The following CIMAP1D variants were observed in gnomAD, a reference collection of about 807,000 sequenced individuals.
CIMAP1D encodes protein CIMAP1D.
chr19:477,584 G>A, the CIMAP1D span, among the ~76,000 whole-genome samples: 3 of 147,562 alleles, frequency 2.0e-5, no homozygotes, highest in East Asian at 4.3e-4. Context: ...GAGACTCCAC[G>A]TCAAAATCAA....
At chr19:481,396 A>T in the CIMAP1D span, among the ~76,000 whole-genome samples, 1 of 97,210 alleles carries the variant, frequency 1.0e-5, no homozygotes, top group Non-Finnish European at 1.8e-5. Context: ...GGGAAGGATG[A>T]TGGGGAAGGA....
At chr19:474,994 C>T in the CIMAP1D span, 8,245 of 400,022 alleles carry the variant, frequency 0.021, 100 homozygotes, top group African/African-American at 0.031. Flanking sequence ...GTCGGCCAGG[C>T]GGCTGGATGG....
At chr19:472,313 G>T in the CIMAP1D span, 1 of 774,632 alleles carries the variant, frequency 1.3e-6, no homozygotes, top group Non-Finnish European at 1.9e-6. Context: ...CTGGATCTAA[G>T]GGGTAAGGAG....
chr19:486,035 C>T, the CIMAP1D span, among the ~76,000 whole-genome samples: 1 of 152,236 alleles, frequency 6.6e-6, no homozygotes, highest in Non-Finnish European at 1.5e-5. Context: ...CACAGAGAAC[C>T]TGCCAGCTCC....
the CIMAP1D span, among the ~76,000 whole-genome samples, chr19:488,340 G>C: frequency 6.6e-6 from 1 of 151,810 alleles, no homozygotes; most frequent in African/African-American, 2.4e-5. Context: ...GGCTAACACG[G>C]TGAAACCCCG....
the CIMAP1D span, among the ~76,000 whole-genome samples, chr19:474,408 C>T: frequency 1.3e-5 from 2 of 152,242 alleles, no homozygotes; most frequent in African/African-American, 2.4e-5. Flanking sequence ...TGGCAAAGCA[C>T]GCAGCTTCCG....
chr19:484,330 G>C, the CIMAP1D span, among the ~76,000 whole-genome samples: 1 of 151,826 alleles, frequency 6.6e-6, no homozygotes, highest in East Asian at 1.9e-4. Flanking sequence ...TAGTAGAGAC[G>C]GGGTTTCTCC....
the CIMAP1D span, among the ~76,000 whole-genome samples, chr19:485,491 A>G: frequency 6.6e-6 from 1 of 152,190 alleles, no homozygotes; most frequent in Non-Finnish European, 1.5e-5. Context: ...TCTTTTCTCT[A>G]GAGACAAGGT....
the CIMAP1D span, chr19:472,646 C>T: frequency 1.1e-5 from 6 of 530,040 alleles, no homozygotes; most frequent in Non-Finnish European, 2.0e-5. Flanking sequence ...GGCTGCTGCC[C>T]GTCGGGGACA....
the CIMAP1D span, among the ~76,000 whole-genome samples, chr19:481,284 T>G: frequency 8.3e-6 from 1 of 120,730 alleles, no homozygotes; most frequent in Admixed American, 9.1e-5. Context: ...GAAAGTATGA[T>G]GGGAAGGATG....
chr19:483,018 GA>G, the CIMAP1D span, among the ~76,000 whole-genome samples: 1 of 152,168 alleles, frequency 6.6e-6, no homozygotes, highest in African/African-American at 2.4e-5. Context: ...TTCCTCCTCT[GA>G]AAAACGGGCA....
the CIMAP1D span, chr19:463,854 C>A: frequency 6.2e-7 from 1 of 1,608,220 alleles, no homozygotes; most frequent in Non-Finnish European, 8.5e-7. Context: ...CTAGCAGCAG[C>A]GGCCGGGCAG....
the CIMAP1D span, among the ~76,000 whole-genome samples, chr19:487,656 T>G: frequency 1.3e-5 from 2 of 151,694 alleles, no homozygotes; most frequent in Admixed American, 1.3e-4. Context: ...GGCCACAGAG[T>G]GAGACCCTGT....
chr19:470,976 G>A, the CIMAP1D span, among the ~76,000 whole-genome samples: 3 of 152,212 alleles, frequency 2.0e-5, no homozygotes, highest in East Asian at 1.9e-4. Context: ...GCAGGCAGCC[G>A]GGAATGTCCA....
the CIMAP1D span, among the ~76,000 whole-genome samples, chr19:473,167 A>G: frequency 9.3e-6 from 1 of 107,562 alleles, no homozygotes; most frequent in South Asian, 5.3e-4. Context: ...GGGGAGACTG[A>G]GGCCTGAGCC....
At chr19:481,802 G>A in the CIMAP1D span, among the ~76,000 whole-genome samples, 1 of 122,362 alleles carries the variant, frequency 8.2e-6, no homozygotes. Flanking sequence ...GAGACAATAT[G>A]TTGCTCTATC....
chr19:486,509 C>T, the CIMAP1D span, among the ~76,000 whole-genome samples: 6 of 152,122 alleles, frequency 3.9e-5, no homozygotes, highest in East Asian at 1.2e-3. Flanking sequence ...GGCGCAATCT[C>T]GGCTCACTGC....
chr19:486,161 G>A, the CIMAP1D span, among the ~76,000 whole-genome samples: 4 of 152,216 alleles, frequency 2.6e-5, no homozygotes, highest in South Asian at 2.1e-4. Flanking sequence ...TGTTACAGAC[G>A]AGGACACCGA....
the CIMAP1D span, among the ~76,000 whole-genome samples, chr19:487,339 C>T: frequency 6.6e-6 from 1 of 152,170 alleles, no homozygotes; most frequent in Middle Eastern, 3.2e-3. Context: ...TTTCTCCGCA[C>T]AGCACCACTT....
Sources: gnomAD v4.1 joint callset for allele counts (sites outside exome capture counted in the v4.1 genomes callset) on GRCh38, gnomAD v4.1.1 for gene constraint, MANE v1.5 for transcripts, NCBI Gene and HGNC (gene_info 2026-07-23, HGNC 2026-07-21) for gene names.